The following KCNQ3 variants were observed in gnomAD, a reference collection of about 807,000 sequenced individuals.
KCNQ3 encodes potassium voltage-gated channel subfamily KQT member 3.
Under a neutral mutation model 92.5 loss-of-function variants are expected in KCNQ3, and 30 were observed. That is an observed-to-expected ratio of 0.32 (90% CI 0.24 to 0.44). KCNQ3 has a LOEUF of 0.44. Among genes scored for constraint, KCNQ3 ranks in the 20% least tolerant of loss-of-function variants. The pLI, the probability that KCNQ3 is intolerant of heterozygous loss-of-function variation, is 1.00. For synonymous variants in KCNQ3, 450 were observed against 468.8 expected, an observed-to-expected ratio of 0.96 and a Z score of 0.52; for missense variants, 913 against 1,140.3, an observed-to-expected ratio of 0.80 and a Z score of 2.87.
At chr8:132,394,945 C>G (rs1374646539) in intron 1 of KCNQ3, among the ~76,000 whole-genome samples, 1 of 152,190 alleles carries the variant, frequency 6.6e-6, no homozygotes. Context: ...GATGTGGAAA[C>G]TGAGCTGGGC....
chr8:132,291,288 G>C (rs1464184727), intron 1 of KCNQ3, among the ~76,000 whole-genome samples: 1 of 152,084 alleles, frequency 6.6e-6, no homozygotes, highest in East Asian at 1.9e-4. Flanking sequence ...TTCCCTTTTG[G>C]ATACTGACAG....
At chr8:132,200,533 T>G (rs997551382) in intron 1 of KCNQ3, among the ~76,000 whole-genome samples, 5 of 152,146 alleles carry the variant, frequency 3.3e-5, no homozygotes, top group Non-Finnish European at 7.3e-5. Flanking sequence ...AAAAAAATAT[T>G]TAAAACTTAA....
chr8:132,476,393 A>C (rs943688182), intron 1 of KCNQ3, among the ~76,000 whole-genome samples: 3 of 152,192 alleles, frequency 2.0e-5, no homozygotes, highest in Non-Finnish European at 2.9e-5. Context: ...AGCCACAGGT[A>C]CTCAATGCCA....
At chr8:132,216,760 A>G (rs1304158689) in intron 1 of KCNQ3, among the ~76,000 whole-genome samples, 1 of 152,148 alleles carries the variant, frequency 6.6e-6, no homozygotes, top group Non-Finnish European at 1.5e-5. Flanking sequence ...GTTAGGAAGC[A>G]CTTATTAGCT....
intron 14 of KCNQ3, among the ~76,000 whole-genome samples, chr8:132,131,202 A>C (rs1483092913): frequency 2.0e-5 from 3 of 152,250 alleles, no homozygotes; most frequent in Non-Finnish European, 4.4e-5. Flanking sequence ...GATACAACAA[A>C]AAGGAATAAT....
chr8:132,194,424 A>G (rs984079877), intron 1 of KCNQ3, among the ~76,000 whole-genome samples: 98 of 152,300 alleles, frequency 6.4e-4, no homozygotes, highest in African/African-American at 2.3e-3. Context: ...GTCAGCCCCA[A>G]AAAGGATGTT....
intron 1 of KCNQ3, among the ~76,000 whole-genome samples, chr8:132,324,985 GTTT>G (rs547590556): frequency 1.4e-5 from 2 of 142,976 alleles, no homozygotes; most frequent in African/African-American, 5.1e-5. Flanking sequence ...GTCCTAGTTA[GTTT>G]TTTTTTTTTT....
At chr8:132,342,767 TATA>T (rs780615614) in intron 1 of KCNQ3, among the ~76,000 whole-genome samples, 2 of 152,230 alleles carry the variant, frequency 1.3e-5, no homozygotes, top group African/African-American at 2.4e-5. Flanking sequence ...GTTTCAAATT[TATA>T]ATATTTTACA....
At chr8:132,288,094 C>G (rs1816729262) in intron 1 of KCNQ3, among the ~76,000 whole-genome samples, 1 of 152,166 alleles carries the variant, frequency 6.6e-6, no homozygotes, top group South Asian at 2.1e-4. Context: ...ATAAACATGG[C>G]TGCAATGAAC....
intron 1 of KCNQ3, among the ~76,000 whole-genome samples, chr8:132,276,314 G>A (rs1162583032): frequency 1.3e-5 from 2 of 152,264 alleles, no homozygotes; most frequent in Non-Finnish European, 2.9e-5. Context: ...TACAGAAGAG[G>A]AAATGAAGGT....
At chr8:132,226,128 G>A (rs558470150) in intron 1 of KCNQ3, among the ~76,000 whole-genome samples, 8 of 152,160 alleles carry the variant, frequency 5.3e-5, no homozygotes, top group East Asian at 1.9e-4. Context: ...AAAATTAGCC[G>A]GACATGGTGG....
chr8:132,433,659 G>A (rs1295674998), intron 1 of KCNQ3, among the ~76,000 whole-genome samples: 1 of 151,974 alleles, frequency 6.6e-6, no homozygotes, highest in Non-Finnish European at 1.5e-5. Context: ...GGAGGCCAAG[G>A]CAGGCGGATC....
At chr8:132,301,315 C>A (rs886948183) in intron 1 of KCNQ3, among the ~76,000 whole-genome samples, 2 of 152,258 alleles carry the variant, frequency 1.3e-5, no homozygotes, top group African/African-American at 4.8e-5. Context: ...TCAGCACTCA[C>A]CTGTTGGCTA....
intron 1 of KCNQ3, among the ~76,000 whole-genome samples, chr8:132,393,145 T>C (rs1820093786): frequency 6.6e-6 from 1 of 152,190 alleles, no homozygotes; most frequent in Non-Finnish European, 1.5e-5. Flanking sequence ...CAGAGCTCTG[T>C]TTAAATGCCA....
chr8:132,218,866 G>T (rs146673076), intron 1 of KCNQ3, among the ~76,000 whole-genome samples: 193 of 152,274 alleles, frequency 1.3e-3, no homozygotes, highest in African/African-American at 4.5e-3. Context: ...TGGAGGCCCA[G>T]TCTCCCTTCC....
chr8:132,274,721 T>G (rs570962115), intron 1 of KCNQ3, among the ~76,000 whole-genome samples: 59 of 152,348 alleles, frequency 3.9e-4, no homozygotes, highest in African/African-American at 1.4e-3. Flanking sequence ...AGCAGAGATA[T>G]GTCAACACAT....
chr8:132,426,503 C>T (rs1051667421), intron 1 of KCNQ3, among the ~76,000 whole-genome samples: 7 of 152,194 alleles, frequency 4.6e-5, no homozygotes, highest in South Asian at 2.1e-4. Flanking sequence ...CAGCATGGCA[C>T]GCAGTGTCCT....
chr8:132,377,381 C>T (rs1204720326), intron 1 of KCNQ3, among the ~76,000 whole-genome samples: 1 of 152,182 alleles, frequency 6.6e-6, no homozygotes, highest in Non-Finnish European at 1.5e-5. Flanking sequence ...GAGCCAATCC[C>T]TCATAATAAA....
intron 1 of KCNQ3, among the ~76,000 whole-genome samples, chr8:132,454,633 T>C (rs1157084571): frequency 6.6e-6 from 1 of 152,124 alleles, no homozygotes; most frequent in East Asian, 1.9e-4. Flanking sequence ...ATACCCACAC[T>C]GTCCTTTCCC....
Sources: allele counts gnomAD v4.1 joint callset (sites outside exome capture counted in the v4.1 genomes callset), GRCh38; gene constraint gnomAD v4.1.1; transcripts MANE v1.5; gene names NCBI Gene and HGNC (gene_info 2026-07-23, HGNC 2026-07-21).